RALYL: variants seen among roughly 807,000 people sequenced by gnomAD.
RALYL encodes RNA-binding Raly-like protein.
In RALYL, 29 loss-of-function variants were observed where a neutral mutation model predicts 35.1. The ratio of observed to expected loss-of-function variants is 0.83; its 90% CI spans 0.61 to 1.13. The LOEUF is 1.13. Among genes scored for constraint, RALYL ranks in the 50% most tolerant of loss-of-function variants. RALYL has a pLI of 0.00. For synonymous variants in RALYL, 120 were observed against 127.6 expected, an observed-to-expected ratio of 0.94 and a Z score of 0.40; for missense variants, 359 against 360.4, an observed-to-expected ratio of 1.00 and a Z score of 0.03.
chr8:84,421,861 C>T (rs62526801), intron 1 of RALYL, among the ~76,000 whole-genome samples: 25 of 147,586 alleles, frequency 1.7e-4, no homozygotes, highest in South Asian at 6.6e-4. Context: ...TCTTGATTTG[C>T]GTATATTGAA....
intron 1 of RALYL, among the ~76,000 whole-genome samples, chr8:84,301,260 A>T (rs933958710): frequency 2.0e-5 from 3 of 151,988 alleles, no homozygotes; most frequent in Non-Finnish European, 4.4e-5. Flanking sequence ...CTGTTGGCCC[A>T]ATGGGGTTCC....
chr8:84,464,466 T>G (rs567420286), intron 1 of RALYL, among the ~76,000 whole-genome samples: 1 of 151,452 alleles, frequency 6.6e-6, no homozygotes, highest in Non-Finnish European at 1.5e-5. Context: ...ACAAAGGACA[T>G]GAACTCATCA....
intron 2 of RALYL, among the ~76,000 whole-genome samples, chr8:84,707,415 T>C (rs1841411437): frequency 6.6e-6 from 1 of 152,186 alleles, no homozygotes; most frequent in Non-Finnish European, 1.5e-5. Context: ...GTATCTTTTA[T>C]ATATCCCTCA....
intron 2 of RALYL, among the ~76,000 whole-genome samples, chr8:84,568,400 T>C (rs897257855): frequency 1.3e-5 from 2 of 151,848 alleles, no homozygotes; most frequent in Non-Finnish European, 2.9e-5. Flanking sequence ...TATGGCTGCA[T>C]AGTATTCCAT....
chr8:84,246,829 A>C (rs1216846855), intron 1 of RALYL, among the ~76,000 whole-genome samples: 1 of 152,122 alleles, frequency 6.6e-6, no homozygotes, highest in African/African-American at 2.4e-5. Flanking sequence ...CCAATAAGTA[A>C]AACAACTGAC....
At chr8:84,546,807 A>G (rs2060386398) in intron 2 of RALYL, among the ~76,000 whole-genome samples, 1 of 152,120 alleles carries the variant, frequency 6.6e-6, no homozygotes, top group African/African-American at 2.4e-5. Context: ...AGGGGTGGGT[A>G]GGGCTCTTGA....
intron 1 of RALYL, among the ~76,000 whole-genome samples, chr8:84,219,037 G>A (rs1821536640): frequency 6.6e-6 from 1 of 152,016 alleles, no homozygotes. Flanking sequence ...TGGATAATGT[G>A]ATGCAGAACT....
chr8:84,225,478 C>T (rs544249587), intron 1 of RALYL, among the ~76,000 whole-genome samples: 1 of 152,296 alleles, frequency 6.6e-6, no homozygotes, highest in African/African-American at 2.4e-5. Flanking sequence ...TCCTGCTTAT[C>T]TCTCCAACCT....
At chr8:84,625,570 C>A (rs914301036) in intron 2 of RALYL, among the ~76,000 whole-genome samples, 1 of 152,122 alleles carries the variant, frequency 6.6e-6, no homozygotes, top group South Asian at 2.1e-4. Flanking sequence ...TTTCTAAGTG[C>A]TTTATTATTT....
intron 1 of RALYL, among the ~76,000 whole-genome samples, chr8:84,360,970 A>C (rs991975564): frequency 1.3e-5 from 2 of 151,868 alleles, no homozygotes; most frequent in African/African-American, 4.8e-5. Flanking sequence ...AAGAAAAAAA[A>C]AAAAAAAGAA....
intron 2 of RALYL, among the ~76,000 whole-genome samples, chr8:84,743,224 C>T (rs28712801): frequency 5.3e-5 from 8 of 151,814 alleles, no homozygotes; most frequent in Admixed American, 1.3e-4. Flanking sequence ...TTCTAAAATA[C>T]GATAGTGATT....
intron 7 of RALYL, among the ~76,000 whole-genome samples, chr8:84,886,953 A>G (rs1285189058): frequency 6.6e-6 from 1 of 152,172 alleles, no homozygotes; most frequent in Non-Finnish European, 1.5e-5. Context: ...CAGCATCACA[A>G]AGCTATTAGG....
chr8:84,230,588 A>T (rs1352080116), intron 1 of RALYL, among the ~76,000 whole-genome samples: 1 of 152,166 alleles, frequency 6.6e-6, no homozygotes, highest in Non-Finnish European at 1.5e-5. Context: ...TCTCCTTAGA[A>T]TTCTTACAAA....
chr8:84,202,943 G>T (rs1817247587), intron 1 of RALYL, among the ~76,000 whole-genome samples: 1 of 152,112 alleles, frequency 6.6e-6, no homozygotes, highest in Non-Finnish European at 1.5e-5. Flanking sequence ...ATTCATAGGT[G>T]AAAATTGCTT....
chr8:84,437,763 A>G (rs2047897785), intron 1 of RALYL, among the ~76,000 whole-genome samples: 1 of 152,054 alleles, frequency 6.6e-6, no homozygotes, highest in Non-Finnish European at 1.5e-5. Flanking sequence ...GAGAGATCTG[A>G]TTAAAAGTGT....
chr8:84,605,312 C>G (rs1406341466), intron 2 of RALYL, among the ~76,000 whole-genome samples: 1 of 152,108 alleles, frequency 6.6e-6, no homozygotes, highest in Non-Finnish European at 1.5e-5. Flanking sequence ...AGAACATCGT[C>G]TTTTTATTTA....
At chr8:84,208,926 A>G (rs1265768239) in intron 1 of RALYL, among the ~76,000 whole-genome samples, 1 of 151,972 alleles carries the variant, frequency 6.6e-6, no homozygotes, top group East Asian at 1.9e-4. Flanking sequence ...AAAATAGATG[A>G]ATAAGGAAGG....
chr8:84,312,282 A>G (rs376105263), intron 1 of RALYL, among the ~76,000 whole-genome samples: 9 of 152,212 alleles, frequency 5.9e-5, no homozygotes, highest in African/African-American at 1.9e-4. Context: ...TTACAATTCA[A>G]GATGAGATTT....
At chr8:84,483,086 G>A (rs1363331210) in intron 1 of RALYL, among the ~76,000 whole-genome samples, 1 of 152,016 alleles carries the variant, frequency 6.6e-6, no homozygotes, top group African/African-American at 2.4e-5. Context: ...ATATAAGCTG[G>A]AGAATTAGAA....
Sources: gnomAD v4.1 joint callset for allele counts (sites outside exome capture counted in the v4.1 genomes callset) on GRCh38, gnomAD v4.1.1 for gene constraint, MANE v1.5 for transcripts, NCBI Gene and HGNC (gene_info 2026-07-23, HGNC 2026-07-21) for gene names.